Variants in PGPEP1L observed in about 807,000 individuals in gnomAD.
PGPEP1L encodes pyroglutamyl-peptidase 1-like protein.
PGPEP1L carries 7 observed loss-of-function variants against 6.0 expected under a neutral mutation model. That is an observed-to-expected ratio of 1.17 (90% CI 0.66 to 2.19). PGPEP1L has a LOEUF of 2.19. PGPEP1L is among the 30% of genes most tolerant of loss of function. The pLI is 0.00. For missense variants in PGPEP1L, 209 were observed against 192.5 expected (o/e 1.09, Z -0.51); for synonymous variants, 103 against 83.9 (o/e 1.23, Z -1.24).
chr15:98,973,167 T>C (rs926205682), intron 2 of PGPEP1L, among the ~76,000 whole-genome samples: 1 of 152,188 alleles, frequency 6.6e-6, no homozygotes, highest in Non-Finnish European at 1.5e-5. Context: ...GATATAGCTA[T>C]TATAAATGTA....
At chr15:98,974,353 T>G (rs2017538698) in intron 2 of PGPEP1L, among the ~76,000 whole-genome samples, 1 of 152,068 alleles carries the variant, frequency 6.6e-6, no homozygotes, top group East Asian at 1.9e-4. Context: ...CACTCCAGCC[T>G]GGGTGACCGT....
intron 2 of PGPEP1L, among the ~76,000 whole-genome samples, chr15:98,982,700 CTTTTTTTTTTT>C (rs369749842): frequency 8.8e-4 from 46 of 52,502 alleles, no homozygotes; most frequent in African/African-American, 2.3e-3. Flanking sequence ...TTATCTGAGG[CTTTTTTTTTTT>C]TTTTTTTTTT....
At position 98,988,673 on chromosome 15, in the gene PGPEP1L, G is replaced by C. The variant is rs552923255; in HGVS notation, c.-142+16756C>G. ...AGACTACCTCCTCCAGTGGGTCCCT[G>C]ACCCCCCACGTATCCTGACTGGGAG... On this transcript the variant is annotated intron_variant, in intron 2 of 4. Coordinates refer to ENST00000535714, the MANE Select transcript of PGPEP1L (RefSeq NM_001167902.2). Among the ~76,000 whole-genome samples, 35 of 2,622 alleles carry C rather than the reference G, an allele frequency of 0.013. No homozygotes were observed. In the South Asian group the frequency reaches 0.22, roughly 16 times the overall value. 1.7% of individuals were successfully genotyped at this position (2,622 alleles called of 152,430 possible).
intron 2 of PGPEP1L, among the ~76,000 whole-genome samples, chr15:98,980,698 G>A (rs1260070591): frequency 6.6e-6 from 1 of 152,166 alleles, no homozygotes; most frequent in Non-Finnish European, 1.5e-5. Flanking sequence ...TTGGGAGGCC[G>A]AGGTGGACGG....
At chr15:98,996,168 A>T (rs2017884994) in intron 2 of PGPEP1L, among the ~76,000 whole-genome samples, 2 of 152,202 alleles carry the variant, frequency 1.3e-5, no homozygotes, top group Admixed American at 6.5e-5. Flanking sequence ...GAGCTTCTAA[A>T]TCTGCTTCTG....
chr15:98,988,775 C>T (rs1240854635), intron 2 of PGPEP1L, among the ~76,000 whole-genome samples: 3 of 152,254 alleles, frequency 2.0e-5, no homozygotes, highest in Admixed American at 1.3e-4. Flanking sequence ...CCCTCTAGGA[C>T]GAAGCTTCAG....
intron 2 of PGPEP1L, among the ~76,000 whole-genome samples, chr15:98,981,431 A>C (rs903252297): frequency 6.8e-6 from 1 of 147,982 alleles, no homozygotes; most frequent in East Asian, 2.1e-4. Flanking sequence ...CAGAGCTTGC[A>C]GTGAGCCGAG....
intron 2 of PGPEP1L, among the ~76,000 whole-genome samples, chr15:99,004,986 T>C (rs1256442983): frequency 1.3e-5 from 2 of 151,834 alleles, no homozygotes; most frequent in African/African-American, 2.4e-5. Flanking sequence ...GGGTGGCTGT[T>C]GTAGATGGGT....
intron 2 of PGPEP1L, among the ~76,000 whole-genome samples, chr15:98,980,559 AG>A (rs2017643290): frequency 6.6e-6 from 1 of 152,198 alleles, no homozygotes; most frequent in Non-Finnish European, 1.5e-5. Context: ...TGAAGCAGAG[AG>A]GAACTCCCCC....
At chr15:98,975,126 G>A (rs2017549941) in intron 2 of PGPEP1L, among the ~76,000 whole-genome samples, 1 of 152,154 alleles carries the variant, frequency 6.6e-6, no homozygotes, top group African/African-American at 2.4e-5. Flanking sequence ...ATACACAATG[G>A]AATATTGTTC....
At chr15:98,975,635 C>T (rs1247184014) in intron 2 of PGPEP1L, among the ~76,000 whole-genome samples, 3 of 152,184 alleles carry the variant, frequency 2.0e-5, no homozygotes, top group African/African-American at 7.2e-5. Context: ...AATCCCAGCA[C>T]TTTGGGAGGC....
chr15:98,986,933 C>A (rs2017754655), intron 2 of PGPEP1L, among the ~76,000 whole-genome samples: 1 of 151,978 alleles, frequency 6.6e-6, no homozygotes, highest in Admixed American at 6.6e-5. Flanking sequence ...CTTTGGGAGG[C>A]TGAGGCAGGT....
chr15:98,981,696 T>A (rs374539591), intron 2 of PGPEP1L, among the ~76,000 whole-genome samples: 1 of 152,164 alleles, frequency 6.6e-6, no homozygotes, highest in African/African-American at 2.4e-5. Context: ...GGTAATATAT[T>A]CCTACTGGTT....
Position 98,980,570 on chromosome 15 carries a change from C to T in PGPEP1L, c.-141-9412G>A, listed in dbSNP as rs1020030979. On this transcript the variant is annotated intron_variant, in intron 2 of 4. Transcript: ENST00000535714. ...ACCCTGAAGCAGAGAGGAACTCCCC[C>T]ACTCGAGTGTGGGCTGCGCAGAGTT... 2.0e-5 allele frequency among the ~76,000 whole-genome samples: 3 copies of T among 152,160 alleles called. No homozygotes were observed. In the East Asian group the frequency reaches 5.8e-4, roughly 29 times the overall value.
intron 2 of PGPEP1L, among the ~76,000 whole-genome samples, chr15:98,993,663 G>T (rs1426147107): frequency 6.7e-6 from 1 of 149,814 alleles, no homozygotes; most frequent in South Asian, 2.2e-4. Context: ...ATCACACACC[G>T]GGGCCTGTCA....
intron 2 of PGPEP1L, among the ~76,000 whole-genome samples, chr15:98,998,370 G>A (rs1160135271): frequency 6.6e-6 from 1 of 152,200 alleles, no homozygotes; most frequent in African/African-American, 2.4e-5. Flanking sequence ...GTCCTCACAT[G>A]TGAGGCATTG....
chr15:99,007,068 T>C (rs1596533032), intron 1 of PGPEP1L, among the ~76,000 whole-genome samples: 1 of 152,150 alleles, frequency 6.6e-6, no homozygotes, highest in East Asian at 1.9e-4. Flanking sequence ...TAGACCCCCC[T>C]TGGTGGCTTT....
At chr15:98,980,669 C>T (rs944137230) in intron 2 of PGPEP1L, among the ~76,000 whole-genome samples, 18 of 152,152 alleles carry the variant, frequency 1.2e-4, no homozygotes, top group African/African-American at 4.1e-4. Flanking sequence ...CAGTGGCTCA[C>T]GCCTGTAATC....
At chr15:98,980,976 G>C (rs7165739) in intron 2 of PGPEP1L, among the ~76,000 whole-genome samples, 11,103 of 151,636 alleles carry the variant, frequency 0.073, 841 homozygotes, top group African/African-American at 0.2. Flanking sequence ...AGAGAGGCCT[G>C]ACAAACACTC....
Sources: gnomAD v4.1 joint callset for allele counts (sites outside exome capture counted in the v4.1 genomes callset) on GRCh38, gnomAD v4.1.1 for gene constraint, MANE v1.5 for transcripts, NCBI Gene and HGNC (gene_info 2026-07-23, HGNC 2026-07-21) for gene names.